The following LRRC69 variants were observed in gnomAD, a reference collection of about 807,000 sequenced individuals.
LRRC69 encodes leucine rich repeat containing 69, also known as leucine-rich repeat-containing protein 69.
LRRC69 carries 42 observed loss-of-function variants against 37.8 expected under a neutral mutation model. The observed-to-expected ratio is 1.11, with a 90% confidence interval of 0.87 to 1.44. The LOEUF is 1.44. Ranked by LOEUF, LRRC69 falls within the 40% of genes most tolerant of loss-of-function variation. LRRC69 has a pLI of 0.00. For synonymous variants in LRRC69, 141 were observed against 143.1 expected (o/e 0.99, Z 0.11); for missense variants, 357 against 401.9 (o/e 0.89, Z 0.96).
At chr8:91,165,828 T>C (rs1425503111) in intron 5 of LRRC69, among the ~76,000 whole-genome samples, 1 of 151,840 alleles carries the variant, frequency 6.6e-6, no homozygotes, top group Admixed American at 6.6e-5. Flanking sequence ...GTTTTATGAT[T>C]CCTGCAGATA....
rs776279654 is a variant in LRRC69, at chr8:91,127,191, CA to C, written c.383+33del. ...TTTGTTTATAGCAAGACTTGGTTAACAATCGTGCCCCTCCTCTATCCCCACC... is the reference window on the plus strand; with the variant it reads ...TTTGTTTATAGCAAGACTTGGTTAACATCGTGCCCCTCCTCTATCCCCACC... On this transcript the variant is annotated intron_variant, in intron 3 of 7. Coordinates refer to ENST00000448384, the Ensembl canonical transcript of LRRC69. 3 of 1,484,842 alleles carry C rather than the reference CA, an allele frequency of 2.0e-6. No homozygotes were observed. In the South Asian group the frequency reaches 3.6e-5, roughly 18 times the overall value. The allele number at this position is 1,484,842 out of a possible 1,614,324, so 92.0% of individuals were successfully genotyped here.
intron 5 of LRRC69, among the ~76,000 whole-genome samples, chr8:91,143,910 G>A (rs1334012973): frequency 6.6e-6 from 1 of 151,926 alleles, no homozygotes; most frequent in Non-Finnish European, 1.5e-5. Flanking sequence ...TGTACCCATT[G>A]TGTGACCTTG....
At chr8:91,177,927 T>C (rs1358418301) in intron 5 of LRRC69, among the ~76,000 whole-genome samples, 1 of 149,346 alleles carries the variant, frequency 6.7e-6, no homozygotes, top group Non-Finnish European at 1.5e-5. Context: ...CGGCTCACGG[T>C]ACGCTCCGCC....
intron 5 of LRRC69, among the ~76,000 whole-genome samples, chr8:91,147,003 C>T (rs1808632319): frequency 6.6e-6 from 1 of 151,392 alleles, no homozygotes; most frequent in Non-Finnish European, 1.5e-5. Context: ...GATTGAGAAA[C>T]TAGTTTACAT....
At chr8:91,145,023 A>T (rs775330604) in intron 5 of LRRC69, among the ~76,000 whole-genome samples, 1 of 151,980 alleles carries the variant, frequency 6.6e-6, no homozygotes, top group Non-Finnish European at 1.5e-5. Flanking sequence ...GCATTAACAG[A>T]AATATTTCTG....
At chr8:91,111,112 G>A (rs28372564) in intron 1 of LRRC69, among the ~76,000 whole-genome samples, 95,698 of 151,818 alleles carry the variant, frequency 0.63, 30,958 homozygotes, top group African/African-American at 0.74. Context: ...TCATTGGAAA[G>A]TTTCCTATTT....
At chr8:91,130,319 G>C (rs1813785931) in intron 3 of LRRC69, 1 of 152,052 alleles carries the variant, frequency 6.6e-6, no homozygotes, top group African/African-American at 2.4e-5. Flanking sequence ...TACTCACCCA[G>C]GCTGGAGTGC....
chr8:91,135,124 C>A (rs1053582983), intron 4 of LRRC69, among the ~76,000 whole-genome samples: 2 of 152,008 alleles, frequency 1.3e-5, no homozygotes, highest in African/African-American at 4.8e-5. Context: ...ACATTGGAGT[C>A]TGAAAATCTC....
chr8:91,105,870 G>A (rs984896786), intron 1 of LRRC69, among the ~76,000 whole-genome samples: 1 of 151,930 alleles, frequency 6.6e-6, no homozygotes, highest in Non-Finnish European at 1.5e-5. Context: ...TGTGTCTCAG[G>A]CACTCAGAAC....
chr8:91,201,917 A>G (rs921354950), intron 7 of LRRC69, among the ~76,000 whole-genome samples: 3 of 152,136 alleles, frequency 2.0e-5, no homozygotes, highest in Admixed American at 6.6e-5. Flanking sequence ...AAAACAAGAG[A>G]AATTTAGGCT....
chr8:91,176,029 C>G (rs1586266717), intron 5 of LRRC69, among the ~76,000 whole-genome samples: 1 of 150,250 alleles, frequency 6.7e-6, no homozygotes, highest in Non-Finnish European at 1.5e-5. Flanking sequence ...TCATGGCATC[C>G]TCTATTTCAG....
At chr8:91,195,301 T>C (rs1586279316) in intron 6 of LRRC69, among the ~76,000 whole-genome samples, 1 of 151,650 alleles carries the variant, frequency 6.6e-6, no homozygotes, top group Non-Finnish European at 1.5e-5. Context: ...GGTGTGGTGC[T>C]GAAAAAAATG....
At chr8:91,210,556 CACACAG>C (rs1037237410) in intron 7 of LRRC69, among the ~76,000 whole-genome samples, 4 of 99,984 alleles carry the variant, frequency 4.0e-5, no homozygotes, top group Non-Finnish European at 8.8e-5. Flanking sequence ...GACACACACA[CACACAG>C]ACACACACAC....
At chr8:91,150,066 TAC>T (rs949917802) in intron 5 of LRRC69, among the ~76,000 whole-genome samples, 24 of 151,988 alleles carry the variant, frequency 1.6e-4, no homozygotes, top group African/African-American at 5.8e-4. Context: ...CCTAATTGAA[TAC>T]CCTTTATTTC....
chr8:91,149,568 G>T (rs146954518), intron 5 of LRRC69, among the ~76,000 whole-genome samples: 2,995 of 152,024 alleles, frequency 0.02, 52 homozygotes, highest in Middle Eastern at 0.034. Flanking sequence ...GGCACTGTGG[G>T]CTCTTTTTTG....
intron 3 of LRRC69, among the ~76,000 whole-genome samples, chr8:91,127,601 C>CA (rs554876868): frequency 0.012 from 809 of 66,536 alleles, 43 homozygotes; most frequent in Admixed American, 0.03. Flanking sequence ...TGTCATTAAC[C>CA]AAAAAAAAAA....
chr8:91,200,029 T>A (rs1418304877), intron 6 of LRRC69, among the ~76,000 whole-genome samples: 2 of 152,200 alleles, frequency 1.3e-5, no homozygotes, highest in Non-Finnish European at 2.9e-5. Context: ...GATGGCACTA[T>A]TCAGGTTCTC....
At chr8:91,159,863 A>G (rs902338885) in intron 5 of LRRC69, among the ~76,000 whole-genome samples, 1 of 150,332 alleles carries the variant, frequency 6.7e-6, no homozygotes, top group Non-Finnish European at 1.5e-5. Context: ...TACTTGTAAA[A>G]TGTTTCCTTA....
chr8:91,157,556 T>C, intron 5 of LRRC69: 1 of 1,524,440 alleles, frequency 6.6e-7, no homozygotes, highest in Non-Finnish European at 9.0e-7. Flanking sequence ...GAGGGTTTAC[T>C]CCTGGAAGAT....
Sources: gnomAD v4.1 joint callset for allele counts (sites outside exome capture counted in the v4.1 genomes callset) on GRCh38, gnomAD v4.1.1 for gene constraint, MANE v1.5 for transcripts, NCBI Gene and HGNC (gene_info 2026-07-23, HGNC 2026-07-21) for gene names.